MNAT1: variants seen among roughly 807,000 people sequenced by gnomAD.
MNAT1 encodes MNAT1 component of CDK activating kinase.
In MNAT1, 43 loss-of-function variants were observed where a neutral mutation model predicts 42.0. The observed-to-expected ratio is 1.02, with a 90% CI of 0.80 to 1.32. The LOEUF is 1.32. Ranked by LOEUF, MNAT1 falls within the 40% of genes most tolerant of loss-of-function variation. The probability of loss-of-function intolerance (pLI) is 0.00; values close to 1 mark genes in which losing one functional copy is unlikely to be tolerated. For synonymous variants in MNAT1, 118 were observed against 120.0 expected (o/e 0.98, Z 0.11); for missense variants, 306 against 350.4 (o/e 0.87, Z 1.01).
At position 60,947,745 on chromosome 14, in the gene MNAT1, A is replaced by G. The variant is rs1296149248; in HGVS notation, c.810-20484A>G. On this transcript the variant is annotated intron_variant, in intron 7 of 7. Transcript: ENST00000261245. ...ATTTTTTAGTTAGTTTGAAAATCAG[A>G]TTTCCAAATGGATCCTGGACACTTC... is the stretch of plus-strand genomic sequence containing the variant. Among the ~76,000 whole-genome samples, 6 of 152,144 alleles carry G rather than the reference A, an allele frequency of 3.9e-5. No homozygotes were observed. The East Asian group carries it at 1.2e-3, about 29-fold the overall frequency.
intron 1 of MNAT1, among the ~76,000 whole-genome samples, chr14:60,769,138 A>G (rs1363463348): frequency 2.0e-5 from 3 of 152,128 alleles, no homozygotes; most frequent in Non-Finnish European, 4.4e-5. Context: ...CATAGAAATG[A>G]CTACTTCTTT....
At chr14:60,801,721 TTGG>T (rs1458309015) in intron 3 of MNAT1, among the ~76,000 whole-genome samples, 1 of 152,176 alleles carries the variant, frequency 6.6e-6, no homozygotes, top group African/African-American at 2.4e-5. Flanking sequence ...TTGTATGCTG[TTGG>T]TGGGAATGTG....
intron 7 of MNAT1, among the ~76,000 whole-genome samples, chr14:60,914,024 G>A (rs922090015): frequency 6.6e-6 from 1 of 152,210 alleles, no homozygotes; most frequent in Non-Finnish European, 1.5e-5. Context: ...CTGAGCAATG[G>A]CAGGTGCCCC....
intron 1 of MNAT1, among the ~76,000 whole-genome samples, chr14:60,782,136 T>C (rs1041341321): frequency 1.3e-5 from 2 of 152,140 alleles, no homozygotes; most frequent in Admixed American, 1.3e-4. Context: ...AGGACATTTT[T>C]CAATGAAATA....
intron 3 of MNAT1, among the ~76,000 whole-genome samples, chr14:60,804,295 A>G (rs866739747): frequency 5.9e-5 from 9 of 152,294 alleles, no homozygotes; most frequent in Admixed American, 3.9e-4. Context: ...CTTCACGGCT[A>G]TTGTACCAAC....
chr14:60,832,739 G>A (rs2033262465), intron 6 of MNAT1, among the ~76,000 whole-genome samples: 1 of 151,980 alleles, frequency 6.6e-6, no homozygotes, highest in Non-Finnish European at 1.5e-5. Context: ...CCTTGATAGG[G>A]ATAGGATTGA....
intron 7 of MNAT1, among the ~76,000 whole-genome samples, chr14:60,888,861 G>C (rs1366974659): frequency 7.4e-6 from 1 of 135,986 alleles, no homozygotes; most frequent in Admixed American, 7.7e-5. Flanking sequence ...GCTTCAAAGA[G>C]AATAAAATAC....
intron 1 of MNAT1, among the ~76,000 whole-genome samples, chr14:60,773,182 C>T (rs1594742903): frequency 6.6e-6 from 1 of 152,030 alleles, no homozygotes; most frequent in Admixed American, 6.6e-5. Flanking sequence ...CGTGACCTGC[C>T]CGCCTTTGCC....
chr14:60,773,149 G>C (rs1184146044), intron 1 of MNAT1, among the ~76,000 whole-genome samples: 1 of 152,070 alleles, frequency 6.6e-6, no homozygotes, highest in African/African-American at 2.4e-5. Context: ...ATGTTGGCCA[G>C]GATGGTCTCG....
chr14:60,902,955 A>T (rs556265852), intron 7 of MNAT1, among the ~76,000 whole-genome samples: 19 of 151,436 alleles, frequency 1.3e-4, no homozygotes, highest in South Asian at 2.1e-4. Flanking sequence ...CTGAAAAAAA[A>T]TTTTTTTTCT....
intron 4 of MNAT1, 54 bp downstream of exon 4, chr14:60,808,482 A>G (rs1482363461): frequency 9.2e-6 from 10 of 1,092,232 alleles, no homozygotes; most frequent in Non-Finnish European, 1.2e-5. Context: ...ATGTTTCCAC[A>G]TGATACTTTA....
At chr14:60,946,640 A>G (rs764507625) in intron 7 of MNAT1, among the ~76,000 whole-genome samples, 8 of 151,908 alleles carry the variant, frequency 5.3e-5, no homozygotes, top group African/African-American at 9.7e-5. Context: ...CTCATTCACT[A>G]TCACTAATTG....
chr14:60,780,623 T>C, intron 1 of MNAT1: 1 of 1,273,280 alleles, frequency 7.9e-7, no homozygotes, highest in Non-Finnish European at 1.1e-6. Flanking sequence ...AATGTAATTG[T>C]AATTTTGAAA....
chr14:60,816,241 T>C (rs999757177), intron 5 of MNAT1, among the ~76,000 whole-genome samples: 3 of 152,154 alleles, frequency 2.0e-5, no homozygotes, highest in African/African-American at 7.2e-5. Flanking sequence ...TTTAATGTTA[T>C]GGTCTTAATG....
At chr14:60,826,207 A>T (rs1334821847) in intron 6 of MNAT1, among the ~76,000 whole-genome samples, 1 of 151,982 alleles carries the variant, frequency 6.6e-6, no homozygotes, top group Non-Finnish European at 1.5e-5. Context: ...CAGGGAGTGG[A>T]GTAATGTTAG....
At chr14:60,764,978 C>T (rs902955362) in intron 1 of MNAT1, among the ~76,000 whole-genome samples, 20 of 152,254 alleles carry the variant, frequency 1.3e-4, no homozygotes, top group African/African-American at 4.1e-4. Flanking sequence ...AGGCCAGGCG[C>T]GGTTGCTCAT....
At chr14:60,954,985 T>C (rs550408985) in intron 7 of MNAT1, among the ~76,000 whole-genome samples, 1 of 152,276 alleles carries the variant, frequency 6.6e-6, no homozygotes, top group African/African-American at 2.4e-5. Flanking sequence ...GATCATATGG[T>C]TTTTGTACAT....
chr14:60,816,435 T>C (rs1042277306), intron 5 of MNAT1, among the ~76,000 whole-genome samples: 2 of 152,116 alleles, frequency 1.3e-5, no homozygotes, highest in African/African-American at 4.8e-5. Context: ...TGGGCTAATA[T>C]TGTTGTCAAA....
intron 7 of MNAT1, among the ~76,000 whole-genome samples, chr14:60,914,729 A>G (rs370670469): frequency 4.7e-4 from 72 of 152,312 alleles, no homozygotes; most frequent in South Asian, 2.1e-3. Flanking sequence ...TAAGTAGGCT[A>G]TAGAGCCTTA....
Sources: gnomAD v4.1 joint callset for allele counts (sites outside exome capture counted in the v4.1 genomes callset) on GRCh38, gnomAD v4.1.1 for gene constraint, MANE v1.5 for transcripts, NCBI Gene and HGNC (gene_info 2026-07-23, HGNC 2026-07-21) for gene names.